MID2: variants seen among roughly 807,000 people sequenced by gnomAD.
MID2 encodes the protein midline 2.
A neutral mutation model predicts 46.1 loss-of-function variants in MID2; 13 were observed. The observed-to-expected ratio is 0.28, with a 90% CI of 0.18 to 0.45. MID2 has a LOEUF of 0.45. Among genes scored for constraint, MID2 ranks in the 20% least tolerant of loss-of-function variants. The pLI is 1.00. For missense variants in MID2, 431 were observed against 575.4 expected, an observed-to-expected ratio of 0.75 and a Z score of 2.57; for synonymous variants, 199 against 212.3, an observed-to-expected ratio of 0.94 and a Z score of 0.55.
chrX:107,892,315 G>A (rs1457856373), intron 3 of MID2, among the ~76,000 whole-genome samples: 1 of 112,151 alleles, frequency 8.9e-6, no homozygotes. Flanking sequence ...AGGAAACCTG[G>A]GTTCTGCTGC....
chrX:107,878,095 C>T (rs973408783), intron 3 of MID2, among the ~76,000 whole-genome samples: 4 of 111,498 alleles, frequency 3.6e-5, no homozygotes, highest in Non-Finnish European at 5.7e-5. Flanking sequence ...ATTCTTCCCC[C>T]GCTTTGGACT....
At chrX:107,838,097 G>A (rs891709544) in intron 1 of MID2, among the ~76,000 whole-genome samples, 1 of 112,431 alleles carries the variant, frequency 8.9e-6, no homozygotes, top group African/African-American at 3.2e-5. Flanking sequence ...ATAAAAACAT[G>A]TAGATGAGAG....
At chrX:107,879,673 G>A (rs930551605) in intron 3 of MID2, among the ~76,000 whole-genome samples, 14 of 111,592 alleles carry the variant, frequency 1.3e-4, no homozygotes, top group South Asian at 3.8e-4. Flanking sequence ...GACGCTTGCC[G>A]GGGACCCACT....
chrX:107,928,511 A>G lies in MID2; in HGVS notation c.*1438A>G, dbSNP rs1933227637. On this transcript the variant is annotated 3_prime_UTR_variant, in exon 10 of 10. Coordinates refer to ENST00000262843, the MANE Select transcript of MID2 (RefSeq NM_012216.4). ...CGGAAGTCTTCTGGGATTTGTGAAA[A>G]TATTACTGTTGTAAAATTACAAAGT... 9.0e-6 allele frequency among the ~76,000 whole-genome samples: 1 copy of G among 111,427 alleles called. No individual in the cohort carries two copies. Among genetic ancestry groups the G allele is most frequent in the African/African-American group, 3.3e-5 (1 of 30,643 alleles).
At chrX:107,923,754 C>T (rs1933116225) in intron 7 of MID2, among the ~76,000 whole-genome samples, 1 of 111,920 alleles carries the variant, frequency 8.9e-6, no homozygotes, top group African/African-American at 3.3e-5. Context: ...ACCCCATGAA[C>T]TGTGATGTAG....
chrX:107,873,340 G>T (rs1051406396), intron 3 of MID2, among the ~76,000 whole-genome samples: 1 of 109,034 alleles, frequency 9.2e-6, no homozygotes, highest in East Asian at 2.9e-4. Flanking sequence ...ATTCCTGGGG[G>T]AAGAAGCTGT....
chrX:107,896,759 G>A (rs1932744758), intron 3 of MID2, among the ~76,000 whole-genome samples: 2 of 110,881 alleles, frequency 1.8e-5, no homozygotes, highest in South Asian at 3.8e-4. Context: ...GTCGTGAGAG[G>A]CAACTCTAAA....
chrX:107,891,430 G>A (rs1167016915), intron 3 of MID2, among the ~76,000 whole-genome samples: 15 of 109,643 alleles, frequency 1.4e-4, no homozygotes, highest in African/African-American at 5.0e-4. Flanking sequence ...ACAGGCATGC[G>A]CCACCATGCC....
At chrX:107,917,382 C>T in intron 6 of MID2, 124 bp from the exon 7 acceptor site, 1 of 600,461 alleles carries the variant, frequency 1.7e-6, no homozygotes, top group African/African-American at 2.2e-5. Context: ...TTCATGCAAT[C>T]TAAAGATTCT....
At chrX:107,843,057 G>A (rs1775242159) in intron 2 of MID2, among the ~76,000 whole-genome samples, 1 of 111,970 alleles carries the variant, frequency 8.9e-6, no homozygotes, top group African/African-American at 3.2e-5. Flanking sequence ...ACATTTCGTG[G>A]TCATAGATAA....
intron 3 of MID2, 58 bp downstream of exon 3, chrX:107,854,762 G>A (rs1931704726): frequency 3.5e-6 from 3 of 864,017 alleles, no homozygotes; most frequent in South Asian, 4.3e-5. Flanking sequence ...GACCCTTTGG[G>A]AGGACTTCAG....
chrX:107,920,825 A>T (rs1485225210), intron 7 of MID2, among the ~76,000 whole-genome samples: 2 of 112,071 alleles, frequency 1.8e-5, no homozygotes, highest in Non-Finnish European at 3.8e-5. Context: ...TATTTGTCCC[A>T]TTTCCTTTAG....
intron 3 of MID2, among the ~76,000 whole-genome samples, chrX:107,858,554 G>A (rs1931792293): frequency 1.8e-5 from 2 of 112,172 alleles, no homozygotes; most frequent in Admixed American, 1.9e-4. Flanking sequence ...TTGAGCATAC[G>A]CTGTGTACTC....
intron 5 of MID2, among the ~76,000 whole-genome samples, chrX:107,906,797 G>A (rs980061878): frequency 3.6e-5 from 4 of 111,843 alleles, no homozygotes; most frequent in African/African-American, 1.3e-4. Flanking sequence ...TTTTGGCCAG[G>A]CTGGTTTCGA....
chrX:107,857,565 G>A (rs1931768233), intron 3 of MID2, among the ~76,000 whole-genome samples: 1 of 111,787 alleles, frequency 8.9e-6, no homozygotes, highest in Non-Finnish European at 1.9e-5. Context: ...ACAGGCGTGA[G>A]CCACCGGGCC....
intron 3 of MID2, among the ~76,000 whole-genome samples, chrX:107,858,666 A>G (rs1931794533): frequency 8.9e-6 from 1 of 112,658 alleles, no homozygotes; most frequent in Non-Finnish European, 1.9e-5. Context: ...GAGAAAGAGT[A>G]TTTATAGAGC....
chrX:107,887,249 T>C (rs1306887053), intron 3 of MID2, among the ~76,000 whole-genome samples: 1 of 112,081 alleles, frequency 8.9e-6, no homozygotes, highest in Non-Finnish European at 1.9e-5. Flanking sequence ...AGTATGATAT[T>C]GGCTGTGGGT....
At chrX:107,921,911 T>C (rs749088752) in intron 7 of MID2, among the ~76,000 whole-genome samples, 9 of 111,229 alleles carry the variant, frequency 8.1e-5, no homozygotes, top group African/African-American at 2.9e-4. Context: ...TTGAAATCAG[T>C]CATTATTTTC....
chrX:107,850,153 A>G (rs773327683), intron 2 of MID2, among the ~76,000 whole-genome samples: 2 of 106,858 alleles, frequency 1.9e-5, no homozygotes, highest in Non-Finnish European at 3.8e-5. Flanking sequence ...TTACTTTTAT[A>G]TAGAGATTTT....
Sources: gnomAD v4.1 joint callset for allele counts (sites outside exome capture counted in the v4.1 genomes callset) on GRCh38, gnomAD v4.1.1 for gene constraint, MANE v1.5 for transcripts, NCBI Gene and HGNC (gene_info 2026-07-23, HGNC 2026-07-21) for gene names.